CCDC85A: variants seen among roughly 807,000 people sequenced by gnomAD.
CCDC85A encodes the protein coiled-coil domain-containing protein 85A.
Under a neutral mutation model 50.2 loss-of-function variants are expected in CCDC85A, and 38 were observed. That is an observed-to-expected ratio of 0.76 (90% CI 0.58 to 0.99). The LOEUF is 0.99. Ranked by LOEUF, CCDC85A falls within the 50% of genes least tolerant of loss-of-function variation. The pLI, the probability that CCDC85A is intolerant of heterozygous loss-of-function variation, is 0.00. For synonymous variants in CCDC85A, 366 were observed against 301.4 expected (o/e 1.21, Z -2.22); for missense variants, 820 against 742.0 (o/e 1.11, Z -1.22).
intron 2 of CCDC85A, among the ~76,000 whole-genome samples, chr2:56,285,267 A>G (rs1230399339): frequency 1.3e-5 from 2 of 150,896 alleles, no homozygotes; most frequent in African/African-American, 4.9e-5. Context: ...ATGCCCAGCT[A>G]ATTTTTTTGT....
chr2:56,241,053 A>G (rs2103965146), intron 2 of CCDC85A, among the ~76,000 whole-genome samples: 1 of 152,302 alleles, frequency 6.6e-6, no homozygotes, highest in African/African-American at 2.4e-5. Flanking sequence ...TGTCTGGATC[A>G]TAGGTGGTAC....
chr2:56,215,933 A>T (rs770354848), intron 2 of CCDC85A, among the ~76,000 whole-genome samples: 15 of 151,916 alleles, frequency 9.9e-5, no homozygotes, highest in Admixed American at 3.3e-4. Flanking sequence ...TGACATTTAA[A>T]CTTCATTGTC....
At chr2:56,218,445 A>G (rs1668182549) in intron 2 of CCDC85A, among the ~76,000 whole-genome samples, 1 of 151,870 alleles carries the variant, frequency 6.6e-6, no homozygotes, top group South Asian at 2.1e-4. Context: ...AAACATAACC[A>G]TTGTTAGTAG....
Position 56,185,403 on chromosome 2 carries a change from C to T in CCDC85A, c.276+503C>T, listed in dbSNP as rs1045924682. 6.6e-5 allele frequency among the ~76,000 whole-genome samples: 10 copies of T among 152,244 alleles called. No homozygotes were observed. The South Asian group carries it at 1.7e-3, about 25-fold the overall frequency. On this transcript the variant is annotated intron_variant, in intron 1 of 5. Coordinates refer to ENST00000407595, the MANE Select transcript of CCDC85A (RefSeq NM_001080433.2). ...CGGGGCGCCCGGGAGAAGCAGCGGGCGCCACCCTCAGAGCAGTCTTGTGTC... is the reference window on the plus strand; with the variant it reads ...CGGGGCGCCCGGGAGAAGCAGCGGGTGCCACCCTCAGAGCAGTCTTGTGTC...
chr2:56,385,880 TA>T lies in CCDC85A; in HGVS notation c.*1529del, dbSNP rs1274475142. The T allele has an allele frequency of 6.6e-6, 1 of 151,904 alleles. No homozygotes were observed. Among genetic ancestry groups the T allele is most frequent in the Non-Finnish European group, 1.5e-5 (1 of 67,814 alleles). 9.4% of individuals were successfully genotyped at this position (151,904 alleles called of 1,614,324 possible). A position where few individuals can be genotyped will look rare whatever the true frequency, so the allele number is the denominator to read the frequency against. On this transcript the variant is annotated 3_prime_UTR_variant, in exon 6 of 6. Coordinates refer to ENST00000407595, the MANE Select transcript of CCDC85A (RefSeq NM_001080433.2). Reference sequence around the variant, plus strand: ...AGCTCCCCTTTTAAATGTTATATTTTAAAATGTTATTACTCTATAAAAGAAA... The same window carrying T: ...AGCTCCCCTTTTAAATGTTATATTTTAAATGTTATTACTCTATAAAAGAAA...
In CCDC85A at chr2:56,192,592, GCTAC is replaced by G; in HGVS notation, c.393_396del (p.Tyr132LeufsTer4). The stretch of plus-strand genomic sequence containing the variant: ...TCTCGGGAGTGGCAGAGACTGGGTC[GCTAC>G]ACTGCCGGGGTGATGCACAAGGAAG... On this transcript the variant is annotated frameshift_variant, in exon 2 of 6. Coordinates refer to ENST00000407595, the MANE Select transcript of CCDC85A (RefSeq NM_001080433.2). LOFTEE classifies it high-confidence loss of function. This position sits in a 1 kb window ranked among gnomAD's most constrained non-coding sequence, Gnocchi z 4.7. 1 of 1,613,904 alleles carries G rather than the reference GCTAC, an allele frequency of 6.2e-7. No individual in the cohort carries two copies. The highest frequency in any genetic ancestry group is 8.5e-7 in the Non-Finnish European group (1 of 1,179,864).
At chr2:56,290,976 A>C (rs2104144068) in intron 2 of CCDC85A, among the ~76,000 whole-genome samples, 1 of 152,348 alleles carries the variant, frequency 6.6e-6, no homozygotes, top group East Asian at 1.9e-4. Flanking sequence ...AAAAGAAAAA[A>C]AATGTGTAGT....
At chr2:56,224,425 A>AAC (rs1254429875) in intron 2 of CCDC85A, among the ~76,000 whole-genome samples, 1 of 152,188 alleles carries the variant, frequency 6.6e-6, no homozygotes, top group African/African-American at 2.4e-5. Context: ...TACACATATG[A>AAC]ACACTTATAT....
chr2:56,297,830 G>T (rs1558629109), intron 2 of CCDC85A, among the ~76,000 whole-genome samples: 1 of 152,136 alleles, frequency 6.6e-6, no homozygotes, highest in Non-Finnish European at 1.5e-5. Context: ...AAAGTGGGTG[G>T]CATTTGGCAG....
intron 2 of CCDC85A, among the ~76,000 whole-genome samples, chr2:56,324,129 T>A (rs911776480): frequency 2.6e-5 from 4 of 152,170 alleles, no homozygotes; most frequent in South Asian, 2.1e-4. Flanking sequence ...CTTGTCCTAT[T>A]CCTGTGTATA....
At chr2:56,262,565 A>G (rs905419823) in intron 2 of CCDC85A, among the ~76,000 whole-genome samples, 1 of 152,140 alleles carries the variant, frequency 6.6e-6, no homozygotes, top group Admixed American at 6.5e-5. Context: ...TCACTGGGAG[A>G]TGCTCATGAC....
rs145928069 is a variant in CCDC85A at position 56,352,240 on chromosome 2, T to C, written c.1317+9285T>C. On this transcript the variant is annotated intron_variant, in intron 3 of 5. Transcript: ENST00000407595. ...ATAAATGTAATATATGCAATATCTATATTGCCTAAATATAAACATAATATA... is the reference window on the plus strand; with the variant it reads ...ATAAATGTAATATATGCAATATCTACATTGCCTAAATATAAACATAATATA... 2.8e-3 allele frequency among the ~76,000 whole-genome samples: 426 copies of C among 152,360 alleles called. 1 individual carries two copies. Among genetic ancestry groups the C allele is most frequent in the African/African-American group, 9.6e-3 (401 of 41,596 alleles).
At chr2:56,195,081 G>T (rs1573007064) in intron 2 of CCDC85A, among the ~76,000 whole-genome samples, 1 of 152,140 alleles carries the variant, frequency 6.6e-6, no homozygotes, top group Non-Finnish European at 1.5e-5. Flanking sequence ...GTAAATATGT[G>T]CACCATTAAA....
At chr2:56,294,411 G>A (rs898493468) in intron 2 of CCDC85A, among the ~76,000 whole-genome samples, 1 of 152,186 alleles carries the variant, frequency 6.6e-6, no homozygotes, top group African/African-American at 2.4e-5. Context: ...TAACAAACCT[G>A]CGCGTCCTGC....
At chr2:56,367,442 T>C (rs1675852828) in intron 3 of CCDC85A, among the ~76,000 whole-genome samples, 1 of 152,172 alleles carries the variant, frequency 6.6e-6, no homozygotes, top group Admixed American at 6.6e-5. Flanking sequence ...AAATCTGCTA[T>C]AGAGCTGTCA....
intron 2 of CCDC85A, among the ~76,000 whole-genome samples, chr2:56,239,354 T>G (rs1319664130): frequency 6.6e-6 from 1 of 152,044 alleles, no homozygotes; most frequent in Non-Finnish European, 1.5e-5. Context: ...CATAAAGTGG[T>G]ATGCTTATGA....
At chr2:56,275,632 A>G (rs1291536087) in intron 2 of CCDC85A, among the ~76,000 whole-genome samples, 2 of 152,220 alleles carry the variant, frequency 1.3e-5, no homozygotes, top group African/African-American at 2.4e-5. Flanking sequence ...ACCAATACTG[A>G]GCCTGAATAC....
intron 2 of CCDC85A, among the ~76,000 whole-genome samples, chr2:56,237,169 C>T (rs1309947389): frequency 6.6e-6 from 1 of 152,140 alleles, no homozygotes; most frequent in Non-Finnish European, 1.5e-5. Context: ...AACTGCAAAG[C>T]TTGCTCAGTG....
intron 2 of CCDC85A, among the ~76,000 whole-genome samples, chr2:56,319,397 G>A (rs1235670389): frequency 6.6e-6 from 1 of 152,028 alleles, no homozygotes; most frequent in Non-Finnish European, 1.5e-5. Context: ...TGTTTTCAGG[G>A]AGCTGGTTCT....
Sources: allele counts gnomAD v4.1 joint callset (sites outside exome capture counted in the v4.1 genomes callset), GRCh38; gene constraint gnomAD v4.1.1; non-coding constraint Gnocchi (gnomAD v3.1); transcripts MANE v1.5; gene names NCBI Gene and HGNC (gene_info 2026-07-23, HGNC 2026-07-21).